Variants in DOCK3 observed in about 807,000 individuals in gnomAD.
DOCK3 encodes the protein dedicator of cytokinesis protein 3.
In DOCK3, 60 loss-of-function variants were observed where a neutral mutation model predicts 265.6. The ratio of observed to expected loss-of-function variants is 0.23; its 90% CI spans 0.18 to 0.28. The LOEUF (loss-of-function observed/expected upper bound fraction) is 0.28. Ranked by LOEUF, DOCK3 falls within the 10% of genes least tolerant of loss-of-function variation. The probability of loss-of-function intolerance (pLI) is 1.00; values close to 1 mark genes in which losing one functional copy is unlikely to be tolerated. For missense variants in DOCK3, 1,981 were observed against 2,594.3 expected (o/e 0.76, Z 5.14); for synonymous variants, 881 against 938.0 (o/e 0.94, Z 1.11).
chr3:51,307,861 G>C (rs1471940356), intron 27 of DOCK3, among the ~76,000 whole-genome samples: 1 of 150,486 alleles, frequency 6.6e-6, no homozygotes, highest in Non-Finnish European at 1.5e-5. Context: ...CATGCAGCTG[G>C]GATGTTAAAT....
intron 9 of DOCK3, among the ~76,000 whole-genome samples, chr3:51,134,065 A>G (rs888716214): frequency 5.3e-5 from 8 of 152,182 alleles, no homozygotes; most frequent in African/African-American, 1.9e-4. Flanking sequence ...TTTGCTAAGA[A>G]TGATGGCTTC....
intron 14 of DOCK3, among the ~76,000 whole-genome samples, chr3:51,218,987 A>G (rs1029365996): frequency 3.9e-5 from 6 of 152,136 alleles, no homozygotes; most frequent in African/African-American, 1.4e-4. Flanking sequence ...TACTCTGCTT[A>G]TGGATGTTTT....
chr3:51,313,958 T>G (rs554380115), intron 31 of DOCK3, among the ~76,000 whole-genome samples: 1 of 152,168 alleles, frequency 6.6e-6, no homozygotes, highest in Non-Finnish European at 1.5e-5. Context: ...AACATTTGCT[T>G]CTTAGAATTT....
At chr3:51,106,853 C>T (rs2083301643) in intron 9 of DOCK3, among the ~76,000 whole-genome samples, 1 of 152,246 alleles carries the variant, frequency 6.6e-6, no homozygotes, top group Non-Finnish European at 1.5e-5. Context: ...CACCCTGCCC[C>T]AGCAGACAAG....
chr3:51,016,617 T>G (rs1174677526), intron 5 of DOCK3, among the ~76,000 whole-genome samples: 1 of 54,462 alleles, frequency 1.8e-5, no homozygotes, highest in Non-Finnish European at 2.9e-5. Flanking sequence ...TATTATATAT[T>G]TATATATATA....
At chr3:50,832,498 G>A (rs868560884) in intron 2 of DOCK3, among the ~76,000 whole-genome samples, 2 of 152,074 alleles carry the variant, frequency 1.3e-5, no homozygotes, top group African/African-American at 4.8e-5. Context: ...TCTACAAGGA[G>A]CTTAAACAAA....
intron 1 of DOCK3, among the ~76,000 whole-genome samples, chr3:50,695,094 A>G (rs1441753481): frequency 6.6e-6 from 1 of 152,240 alleles, no homozygotes; most frequent in Non-Finnish European, 1.5e-5. Context: ...AAGCTTCTAC[A>G]TATCAGTAGG....
At chr3:50,766,127 C>A (rs1576372192) in intron 1 of DOCK3, among the ~76,000 whole-genome samples, 1 of 151,958 alleles carries the variant, frequency 6.6e-6, no homozygotes, top group African/African-American at 2.4e-5. Context: ...GAATAGTATT[C>A]TTTTTTTAAA....
At chr3:50,818,131 A>G (rs1265872231) in intron 2 of DOCK3, among the ~76,000 whole-genome samples, 1 of 152,156 alleles carries the variant, frequency 6.6e-6, no homozygotes, top group Non-Finnish European at 1.5e-5. Flanking sequence ...CTCTAGGAGT[A>G]ATTATTCTCT....
chr3:50,997,895 A>G (rs1559915762), intron 5 of DOCK3, among the ~76,000 whole-genome samples: 1 of 152,218 alleles, frequency 6.6e-6, no homozygotes, highest in African/African-American at 2.4e-5. Flanking sequence ...CAGACTGGAA[A>G]GAGCTTTTTT....
intron 5 of DOCK3, among the ~76,000 whole-genome samples, chr3:51,003,019 T>C (rs1352256364): frequency 6.6e-6 from 1 of 152,200 alleles, no homozygotes; most frequent in African/African-American, 2.4e-5. Flanking sequence ...AAGAGATTAC[T>C]CCTTAGATAT....
At chr3:51,116,317 G>T (rs1035225072) in intron 9 of DOCK3, among the ~76,000 whole-genome samples, 1 of 151,832 alleles carries the variant, frequency 6.6e-6, no homozygotes, top group African/African-American at 2.4e-5. Flanking sequence ...TGGGCGTGGT[G>T]GTGGGCACCT....
At chr3:50,681,293 T>A (rs1478071421) in intron 1 of DOCK3, among the ~76,000 whole-genome samples, 1 of 152,244 alleles carries the variant, frequency 6.6e-6, no homozygotes, top group Non-Finnish European at 1.5e-5. Flanking sequence ...TTGAAAGTAC[T>A]TTAACCTTCA....
intron 3 of DOCK3, among the ~76,000 whole-genome samples, chr3:50,847,882 CAAAAA>C (rs3043428): frequency 1.5e-3 from 150 of 97,618 alleles, no homozygotes; most frequent in Non-Finnish European, 2.1e-3. Context: ...GGCTCCATTT[CAAAAA>C]AAAAAAAAAA....
chr3:51,244,540 A>C (rs1222649964), intron 21 of DOCK3, among the ~76,000 whole-genome samples: 1 of 152,152 alleles, frequency 6.6e-6, no homozygotes, highest in Non-Finnish European at 1.5e-5. Flanking sequence ...TGTGTCCTGC[A>C]ACTTTACTGA....
chr3:51,238,201 G>A (rs1385799538), intron 21 of DOCK3, among the ~76,000 whole-genome samples: 1 of 121,858 alleles, frequency 8.2e-6, no homozygotes, highest in African/African-American at 3.2e-5. Flanking sequence ...GGAGTGCAGT[G>A]GCGCAATCTT....
At chr3:51,227,479 G>A (rs1435584257) in intron 16 of DOCK3, 34 bp downstream of exon 16, 1 of 1,612,164 alleles carries the variant, frequency 6.2e-7, no homozygotes, top group Non-Finnish European at 8.5e-7. Flanking sequence ...ACATTCCCTT[G>A]AGAATATAAA....
At chr3:51,114,855 C>T (rs1300444754) in intron 9 of DOCK3, among the ~76,000 whole-genome samples, 2 of 151,858 alleles carry the variant, frequency 1.3e-5, no homozygotes, top group African/African-American at 4.8e-5. Context: ...TCCCTGTGCC[C>T]ATATTTTCTC....
At chr3:50,868,028 A>G (rs989740213) in intron 3 of DOCK3, among the ~76,000 whole-genome samples, 4 of 151,312 alleles carry the variant, frequency 2.6e-5, no homozygotes, top group African/African-American at 9.7e-5. Context: ...GTTAGGTAGA[A>G]TTCAGCAGTG....
Sources: gnomAD v4.1 joint callset for allele counts (sites outside exome capture counted in the v4.1 genomes callset) on GRCh38, gnomAD v4.1.1 for gene constraint, MANE v1.5 for transcripts, NCBI Gene and HGNC (gene_info 2026-07-23, HGNC 2026-07-21) for gene names.